Variants in SEPTIN14 observed in about 807,000 individuals in gnomAD.
The protein encoded by SEPTIN14 is septin 14.
Under a neutral mutation model 53.6 loss-of-function variants are expected in SEPTIN14, and 40 were observed. That is an observed-to-expected ratio of 0.75 (90% CI 0.58 to 0.97). The LOEUF (loss-of-function observed/expected upper bound fraction) is 0.97, where lower values mean the gene tolerates loss of function less well. Ranked by LOEUF, SEPTIN14 falls within the 50% of genes least tolerant of loss-of-function variation. The pLI is 0.00. For synonymous variants in SEPTIN14, 138 were observed against 166.8 expected (o/e 0.83, Z 1.33); for missense variants, 471 against 508.2 (o/e 0.93, Z 0.70).
At chr7:55,857,393 A>AAAGAGAAGAGAAGAG (rs200378180) in intron 2 of SEPTIN14, among the ~76,000 whole-genome samples, 2 of 144,528 alleles carry the variant, frequency 1.4e-5, no homozygotes, top group African/African-American at 5.2e-5. Context: ...GAAAAGGAAA[A>AAAGAGAAGAGAAGAG]AAGAGAAGAG....
chr7:55,811,324 A>C, intron 7 of SEPTIN14: 1 of 509,538 alleles, frequency 2.0e-6, no homozygotes, highest in South Asian at 1.5e-5. Context: ...TCCACTTTGC[A>C]GTCGAAGTCT....
intron 5 of SEPTIN14, among the ~76,000 whole-genome samples, chr7:55,840,720 T>A (rs761583566): frequency 5.9e-5 from 9 of 152,148 alleles, no homozygotes; most frequent in Non-Finnish European, 1.2e-4. Context: ...AACACACTGA[T>A]GCAAATGCCT....
chr7:55,855,586 C>T (rs1246731376), intron 2 of SEPTIN14, among the ~76,000 whole-genome samples: 5 of 152,058 alleles, frequency 3.3e-5, no homozygotes, highest in Non-Finnish European at 5.9e-5. Flanking sequence ...GACAGAGTGT[C>T]GCTCTATTGA....
chr7:55,820,802 TG>T (rs764215378), intron 6 of SEPTIN14, among the ~76,000 whole-genome samples: 1 of 152,134 alleles, frequency 6.6e-6, no homozygotes, highest in South Asian at 2.1e-4. Context: ...TAGCGGGGCA[TG>T]GTGGCAGGCA....
chr7:55,815,784 T>C (rs199785866), intron 7 of SEPTIN14, among the ~76,000 whole-genome samples: 1 of 152,174 alleles, frequency 6.6e-6, no homozygotes, highest in East Asian at 1.9e-4. Flanking sequence ...TGGAAAACAG[T>C]ATGGAGTTTC....
rs114066684 is a variant in SEPTIN14 at position 55,811,282 on chromosome 7, G to T, written c.818-4024C>A. 2.6e-4 allele frequency: 134 copies of T among 517,496 alleles called. 1 individual carries two copies. Among genetic ancestry groups the T allele is most frequent in the African/African-American group, 2.4e-3 (122 of 51,794 alleles). The allele number at this position is 517,496 out of a possible 1,614,324, so 32.1% of individuals were successfully genotyped here. A position where few individuals can be genotyped will look rare whatever the true frequency, so the allele number is the denominator to read the frequency against. ...TTATCCACCTCCTTGAAGAGGTTCTGCCTGTCAGACTCAATTGGCTTGATT... is the reference window on the plus strand; with the variant it reads ...TTATCCACCTCCTTGAAGAGGTTCTTCCTGTCAGACTCAATTGGCTTGATT... On this transcript the variant is annotated intron_variant, in intron 7 of 9. Coordinates refer to ENST00000388975, the MANE Select transcript of SEPTIN14 (RefSeq NM_207366.3).
At chr7:55,832,434 T>G in intron 6 of SEPTIN14, among the ~76,000 whole-genome samples, 1 of 152,064 alleles carries the variant, frequency 6.6e-6, no homozygotes, top group East Asian at 1.9e-4. Context: ...AATAATTATA[T>G]AAAAAAGTCA....
intron 5 of SEPTIN14, among the ~76,000 whole-genome samples, chr7:55,842,504 A>C (rs1789329734): frequency 6.6e-6 from 1 of 151,778 alleles, no homozygotes; most frequent in Non-Finnish European, 1.5e-5. Context: ...TCGGATGGCT[A>C]AGGTGGGAAG....
intron 5 of SEPTIN14, among the ~76,000 whole-genome samples, chr7:55,838,504 C>T (rs1021381805): frequency 1.4e-5 from 2 of 140,766 alleles, no homozygotes; most frequent in South Asian, 5.1e-4. Flanking sequence ...TTCTTTTCTT[C>T]CTTCCCTCCC....
intron 5 of SEPTIN14, among the ~76,000 whole-genome samples, chr7:55,835,600 T>C (rs753897487): frequency 2.0e-5 from 3 of 152,186 alleles, no homozygotes; most frequent in African/African-American, 4.8e-5. Context: ...TTTGTCCTTC[T>C]ACTTTTTACA....
rs116412338 is a variant in SEPTIN14 at position 55,822,372 on chromosome 7, A to C, written c.721-3149T>G. 7.0e-3 allele frequency among the ~76,000 whole-genome samples: 1,063 copies of C among 152,324 alleles called. 15 individuals carry two copies. Among genetic ancestry groups the C allele is most frequent in the African/African-American group, 0.024 (982 of 41,576 alleles). ...TCACCACAACCCCAATCAAAATTTCACCAAATTATTTTGTGAATAATAACA... is the reference window on the plus strand; with the variant it reads ...TCACCACAACCCCAATCAAAATTTCCCCAAATTATTTTGTGAATAATAACA... On this transcript the variant is annotated intron_variant, in intron 6 of 9. Coordinates refer to ENST00000388975, the MANE Select transcript of SEPTIN14 (RefSeq NM_207366.3).
rs561782776 is a variant in SEPTIN14 at position 55,856,079 on chromosome 7, G to C, written c.54+5864C>G. Among the ~76,000 whole-genome samples, 19 of 152,150 alleles carry C rather than the reference G, an allele frequency of 1.2e-4. No homozygotes were observed. The South Asian group carries it at 3.9e-3, about 32-fold the overall frequency. ...AAATACTGAATGTGCTGAGTTGGGG[G>C]TGTGAATGATCCCATCACCCAGGTA... On this transcript the variant is annotated intron_variant, in intron 2 of 9. Transcript: ENST00000388975.
At chr7:55,838,526 CCCCTCCCTTCCT>C (rs1789248216) in intron 5 of SEPTIN14, among the ~76,000 whole-genome samples, 1 of 101,926 alleles carries the variant, frequency 9.8e-6, no homozygotes. Flanking sequence ...CCCTCCCTCC[CCCCTCCCTTCCT>C]CCCTCCCTTC....
chr7:55,803,218 G>A lies in SEPTIN14; in HGVS notation c.1119+2040C>T, dbSNP rs184924252. ...CTCCCAAAGTGCTGGGATTATAGGCGAGAGCCACTGCACCCGGCTGAACCT... is the reference window on the plus strand; with the variant it reads ...CTCCCAAAGTGCTGGGATTATAGGCAAGAGCCACTGCACCCGGCTGAACCT... On this transcript the variant is annotated intron_variant, in intron 9 of 9. Transcript: ENST00000388975. Among the ~76,000 whole-genome samples, 7 of 152,182 alleles carry A rather than the reference G, an allele frequency of 4.6e-5. No individual in the cohort carries two copies. The East Asian group carries it at 7.7e-4, about 17-fold the overall frequency.
chr7:55,841,610 T>C (rs1789313164), intron 5 of SEPTIN14, among the ~76,000 whole-genome samples: 1 of 151,908 alleles, frequency 6.6e-6, no homozygotes, highest in Non-Finnish European at 1.5e-5. Context: ...AATCTCAGCA[T>C]TTTGAGAGGC....
chr7:55,826,956 C>G (rs1788999528), intron 6 of SEPTIN14, among the ~76,000 whole-genome samples: 5 of 152,164 alleles, frequency 3.3e-5, no homozygotes, highest in Admixed American at 3.3e-4. Flanking sequence ...TTCTTCCTGC[C>G]CCTGCCTAAG....
chr7:55,814,045 C>G (rs181734636), intron 7 of SEPTIN14, among the ~76,000 whole-genome samples: 1 of 152,252 alleles, frequency 6.6e-6, no homozygotes, highest in East Asian at 1.9e-4. Flanking sequence ...CAGAGAGACT[C>G]CTTCTGTTTG....
chr7:55,828,451 C>T (rs1789028253), intron 6 of SEPTIN14, among the ~76,000 whole-genome samples: 1 of 152,034 alleles, frequency 6.6e-6, no homozygotes, highest in Admixed American at 6.6e-5. Context: ...ACTACAGGCA[C>T]CCACTACCAC....
chr7:55,810,030 C>T (rs1208914985), intron 7 of SEPTIN14, among the ~76,000 whole-genome samples: 2 of 151,900 alleles, frequency 1.3e-5, no homozygotes, highest in Non-Finnish European at 2.9e-5. Context: ...GACAGGGTTT[C>T]ACCGCGTTAG....
Sources: allele counts gnomAD v4.1 joint callset (sites outside exome capture counted in the v4.1 genomes callset), GRCh38; gene constraint gnomAD v4.1.1; transcripts MANE v1.5; gene names NCBI Gene and HGNC (gene_info 2026-07-23, HGNC 2026-07-21).